Variants in BHMT2 observed in about 807,000 individuals in gnomAD.
The protein encoded by BHMT2 is betaine--homocysteine S-methyltransferase 2, also known as S-methylmethionine--homocysteine S-methyltransferase BHMT2.
Under a neutral mutation model 39.0 loss-of-function variants are expected in BHMT2, and 28 were observed. The ratio of observed to expected loss-of-function variants is 0.72; its 90% CI spans 0.53 to 0.98. The LOEUF (loss-of-function observed/expected upper bound fraction) is 0.98, where lower values mean the gene tolerates loss of function less well. Ranked by LOEUF, BHMT2 falls within the 50% of genes least tolerant of loss-of-function variation. The probability of loss-of-function intolerance (pLI) is 0.00; values close to 1 mark genes in which losing one functional copy is unlikely to be tolerated. For missense variants in BHMT2, 410 were observed against 455.6 expected (o/e 0.90, Z 0.91); for synonymous variants, 145 against 160.6 (o/e 0.90, Z 0.74).
chr5:79,077,011 A>G (rs1455115283), intron 1 of BHMT2, among the ~76,000 whole-genome samples: 1 of 152,144 alleles, frequency 6.6e-6, no homozygotes, highest in Non-Finnish European at 1.5e-5. Context: ...GGAAAGCAAA[A>G]CTTTTCCAGA....
At chr5:79,086,428 C>T (rs1755895141) in intron 7 of BHMT2, among the ~76,000 whole-genome samples, 1 of 152,174 alleles carries the variant, frequency 6.6e-6, no homozygotes, top group Non-Finnish European at 1.5e-5. Flanking sequence ...CAGTGTCTGT[C>T]TTGCAACTCC....
chr5:79,086,249 C>T (rs1216254132), intron 7 of BHMT2, among the ~76,000 whole-genome samples: 5 of 152,160 alleles, frequency 3.3e-5, no homozygotes, highest in South Asian at 4.1e-4. Flanking sequence ...CAGCTTTCAC[C>T]CTTTCTGCAG....
intron 3 of BHMT2, 145 bp from the exon 4 acceptor site, chr5:79,080,542 T>C (rs985346840): frequency 3.1e-6 from 2 of 638,232 alleles, no homozygotes; most frequent in African/African-American, 1.9e-5. Context: ...GAGGAGATTG[T>C]ACCCAACTCT....
At chr5:79,079,498 C>G in intron 3 of BHMT2, 38 bp downstream of exon 3, 2 of 1,459,736 alleles carry the variant, frequency 1.4e-6, no homozygotes, top group South Asian at 2.3e-5. Flanking sequence ...AGGGAGTCAT[C>G]TATTAAAAAA....
chr5:79,083,102 G>A, intron 5 of BHMT2, 90 bp from the exon 6 acceptor site: 3 of 1,578,084 alleles, frequency 1.9e-6, no homozygotes, highest in Non-Finnish European at 2.6e-6. Flanking sequence ...AGGTGGAGGG[G>A]AATGGCTAAC....
chr5:79,076,325 G>T (rs571956867), intron 1 of BHMT2, among the ~76,000 whole-genome samples: 7 of 152,252 alleles, frequency 4.6e-5, no homozygotes, highest in Admixed American at 4.6e-4. Context: ...CCAGCTGCTT[G>T]TGTTTGTGTT....
chr5:79,075,882 T>C (rs887245890), intron 1 of BHMT2, among the ~76,000 whole-genome samples: 1 of 152,198 alleles, frequency 6.6e-6, no homozygotes, highest in Admixed American at 6.5e-5. Context: ...AGGTACCCCA[T>C]GGCAGCATCT....
intron 7 of BHMT2, 111 bp downstream of exon 7, chr5:79,083,967 A>C: frequency 7.0e-7 from 1 of 1,427,844 alleles, no homozygotes. Flanking sequence ...TATAAAGTGA[A>C]AAGTAAAAAT....
rs558229211 is a variant in BHMT2, at chr5:79,087,041, T to C, written c.1011-1452T>C. Among the ~76,000 whole-genome samples the C allele has an allele frequency of 7.4e-3, 1,028 of 138,384 alleles. 12 individuals carry two copies. The highest frequency in any genetic ancestry group is 0.022 in the African/African-American group (840 of 37,586). 90.8% of individuals were successfully genotyped at this position (138,384 alleles called of 152,430 possible). A position where few individuals can be genotyped will look rare whatever the true frequency, so the allele number is the denominator to read the frequency against. On this transcript the variant is annotated intron_variant, in intron 7 of 7. Coordinates refer to ENST00000255192, the MANE Select transcript of BHMT2 (RefSeq NM_017614.5). ...ATATATATATATATATATATATATA[T>C]ACATATGTATGTATATCTGTTGATA...
chr5:79,083,782 G>A lies in BHMT2; in HGVS notation c.936G>A (p.Leu312=). ...AGCTGGCCCCAGAAAGGGGCTTTTT[G>A]CCACCAGCTTCAGAAAAACACGGCA... ...AEELAPERGF[L]PPASEKHGSW... is the part of the protein sequence containing the mutation. The change falls in exon 7 of 8, where the codon TTG becomes TTA. Residue 312 remains leucine, a synonymous_variant. Transcript: ENST00000255192. 1 of 1,614,118 alleles carries A rather than the reference G, an allele frequency of 6.2e-7. No homozygotes were observed. The highest frequency in any genetic ancestry group is 8.5e-7 in the Non-Finnish European group (1 of 1,180,018).
In BHMT2 at chr5:79,069,802, CG is replaced by C; in HGVS notation, c.25del (p.Ala9ProfsTer15). 22 of 1,436,814 alleles carry C rather than the reference CG, an allele frequency of 1.5e-5. No individual in the cohort carries two copies. Among genetic ancestry groups the C allele is most frequent in the South Asian group, 4.4e-5 (3 of 68,048 alleles). 89.0% of individuals were successfully genotyped at this position (1,436,814 alleles called of 1,614,324 possible). On this transcript the variant is annotated frameshift_variant, in exon 1 of 8. Coordinates refer to ENST00000255192, the MANE Select transcript of BHMT2 (RefSeq NM_017614.5). LOFTEE classifies it high-confidence loss of function. ...GGCACCATGGCACCTGCTGGACGCC[CG>C]GGGGCCAAGAAGGTGAGTTTCGTCC... MAPAGR[P>X]GAKKGILERL...
chr5:79,083,220 C>T lies in BHMT2; in HGVS notation c.627C>T (p.Arg209=). 6.2e-7 allele frequency: 1 copy of T among 1,614,120 alleles called. No homozygotes were observed. The highest frequency in any genetic ancestry group is 8.5e-7 in the Non-Finnish European group (1 of 1,180,040). ...CTTCCATCGTTGGCGTGAACTGCCGCTTTGGGCCCGACACCAGCTTGAAGA... is the reference window on the plus strand; with the variant it reads ...CTTCCATCGTTGGCGTGAACTGCCGTTTTGGGCCCGACACCAGCTTGAAGA... ...AGASIVGVNC[R]FGPDTSLKTM... Residue 209 remains arginine (R), a synonymous_variant, in exon 6 of 8, where the codon CGC becomes CGT. Coordinates refer to ENST00000255192, the MANE Select transcript of BHMT2 (RefSeq NM_017614.5).
chr5:79,087,347 T>C (rs1755921845), intron 7 of BHMT2, among the ~76,000 whole-genome samples: 1 of 152,096 alleles, frequency 6.6e-6, no homozygotes, highest in South Asian at 2.1e-4. Flanking sequence ...AAGTATTAAA[T>C]ATAAATATAA....
rs908724887 is a variant in BHMT2, at chr5:79,083,568, A to T, written c.782-60A>T. 6 of 1,591,074 alleles carry T rather than the reference A, an allele frequency of 3.8e-6. No individual in the cohort carries two copies. The African/African-American group carries it at 5.4e-5, about 14-fold the overall frequency. On this transcript the variant is annotated intron_variant, in intron 6 of 7. Coordinates refer to ENST00000255192, the MANE Select transcript of BHMT2 (RefSeq NM_017614.5). ...TTTAATTGGAAAAACTGCTCATTAG[A>T]GCATCCATCATTTGAAAATGAGAAC...
At chr5:79,073,713 T>C (rs1755622435) in intron 1 of BHMT2, among the ~76,000 whole-genome samples, 1 of 152,228 alleles carries the variant, frequency 6.6e-6, no homozygotes, top group African/African-American at 2.4e-5. Flanking sequence ...TTGAGAGCTC[T>C]CTCTGCCAAA....
chr5:79,079,005 T>C (rs1755730820), intron 2 of BHMT2, among the ~76,000 whole-genome samples: 1 of 152,216 alleles, frequency 6.6e-6, no homozygotes, highest in Non-Finnish European at 1.5e-5. Context: ...CTCACTTTAC[T>C]TTAAGGGCTG....
At chr5:79,085,824 A>G (rs1755881948) in intron 7 of BHMT2, among the ~76,000 whole-genome samples, 1 of 152,206 alleles carries the variant, frequency 6.6e-6, no homozygotes, top group Admixed American at 6.5e-5. Flanking sequence ...GGAAACCAGG[A>G]GAGGCCAGCG....
chr5:79,088,401 TA>T, intron 7 of BHMT2, 91 bp from the exon 8 acceptor site: 21 of 776,524 alleles, frequency 2.7e-5, no homozygotes, highest in African/African-American at 3.6e-5. Flanking sequence ...TGTGTGTGGT[TA>T]TATACATATA....
chr5:79,083,856 G>C lies in BHMT2; in HGVS notation c.1010G>C (p.Arg337Thr), dbSNP rs776248294. The C allele has an allele frequency of 3.7e-6, 6 of 1,610,116 alleles. No individual in the cohort carries two copies. Among genetic ancestry groups the C allele is most frequent in the Admixed American group, 3.4e-5 (2 of 59,374 alleles). The change falls in exon 7 of 8, where the codon AGG becomes ACG. Residue 337 changes from arginine to threonine, a missense_variant and splice_region_variant. Transcript: ENST00000255192. ...CACACCAAACCCTGGATTAGAGCAA[G>C]GTAAGCATTTTTAAATTAACATTCT... ...DMHTKPWIRA[R>T]ARREYWENLL...
Sources: gnomAD v4.1 joint callset for allele counts (sites outside exome capture counted in the v4.1 genomes callset) on GRCh38, gnomAD v4.1.1 for gene constraint, MANE v1.5 for transcripts, NCBI Gene and HGNC (gene_info 2026-07-23, HGNC 2026-07-21) for gene names.